The following ST8SIA4 variants were observed in gnomAD, a reference collection of about 807,000 sequenced individuals.
ST8SIA4 encodes CMP-N-acetylneuraminate-poly-alpha-2,8-sialyltransferase.
In ST8SIA4, 15 loss-of-function variants were observed where a neutral mutation model predicts 33.9. That is an observed-to-expected ratio of 0.44 (90% CI 0.30 to 0.68). The LOEUF (loss-of-function observed/expected upper bound fraction) is 0.68. Ranked by LOEUF, ST8SIA4 falls within the 30% of genes least tolerant of loss-of-function variation. The probability of loss-of-function intolerance (pLI) is 0.10; values close to 1 mark genes in which losing one functional copy is unlikely to be tolerated. For missense variants in ST8SIA4, 321 were observed against 428.0 expected (o/e 0.75, Z 2.21); for synonymous variants, 171 against 151.2 (o/e 1.13, Z -0.96).
chr5:100,849,507 C>A (rs1222651041), intron 4 of ST8SIA4: 20 of 971,554 alleles, frequency 2.1e-5, no homozygotes, highest in Non-Finnish European at 2.4e-5. Flanking sequence ...GCTGGCTGAG[C>A]GCGGTGGCTC....
At chr5:100,859,287 T>C (rs1281217782) in intron 3 of ST8SIA4, among the ~76,000 whole-genome samples, 1 of 152,106 alleles carries the variant, frequency 6.6e-6, no homozygotes, top group Non-Finnish European at 1.5e-5. Context: ...AGAATGTGTC[T>C]CAAGCATTTA....
At chr5:100,840,425 T>G (rs2112423398) in intron 4 of ST8SIA4, among the ~76,000 whole-genome samples, 1 of 151,888 alleles carries the variant, frequency 6.6e-6, no homozygotes, top group East Asian at 1.9e-4. Context: ...AAGGATACCA[T>G]GAAACTAGTT....
intron 4 of ST8SIA4, chr5:100,849,118 GA>G: frequency 1.0e-6 from 1 of 967,244 alleles, no homozygotes; most frequent in South Asian, 4.8e-5. Context: ...ACCTGTTTAG[GA>G]AGTTACAGAG....
intron 2 of ST8SIA4, among the ~76,000 whole-genome samples, chr5:100,887,740 T>C (rs1240521482): frequency 6.6e-6 from 1 of 152,022 alleles, no homozygotes; most frequent in Admixed American, 6.6e-5. Flanking sequence ...AATATGTTGT[T>C]CTTGAATAAT....
Position 100,903,019 on chromosome 5 carries a change from C to T in ST8SIA4, c.-64G>A, listed in dbSNP as rs28617677. The T allele has an allele frequency of 8.5e-7, 1 of 1,176,732 alleles. No individual in the cohort carries two copies. The highest frequency in any genetic ancestry group is 1.3e-6 in the Non-Finnish European group (1 of 791,210). The allele number at this position is 1,176,732 out of a possible 1,614,324, so 72.9% of individuals were successfully genotyped here. On this transcript the variant is annotated 5_prime_UTR_variant, in exon 1 of 5. Coordinates refer to ENST00000231461, the MANE Select transcript of ST8SIA4 (RefSeq NM_005668.6). Reference sequence around the variant, plus strand: ...GCACCTTCTCTTGATATAAAGGCTCCGTTTTGGGGAGATAGTCGCGGGGGT... The same window carrying T: ...GCACCTTCTCTTGATATAAAGGCTCTGTTTTGGGGAGATAGTCGCGGGGGT...
intron 3 of ST8SIA4, among the ~76,000 whole-genome samples, chr5:100,883,734 G>A (rs1044478603): frequency 7.2e-5 from 11 of 152,038 alleles, no homozygotes; most frequent in African/African-American, 2.7e-4. Flanking sequence ...AGATCTGATG[G>A]TTTTATCAGG....
intron 4 of ST8SIA4, among the ~76,000 whole-genome samples, chr5:100,840,442 G>C (rs1751448785): frequency 6.6e-6 from 1 of 151,654 alleles, no homozygotes; most frequent in Admixed American, 6.6e-5. Flanking sequence ...AGTTTTCAAT[G>C]TGTTGCTCTA....
chr5:100,848,442 TG>T (rs1751612885), intron 4 of ST8SIA4, among the ~76,000 whole-genome samples: 2 of 150,110 alleles, frequency 1.3e-5, no homozygotes, highest in Admixed American at 1.3e-4. Flanking sequence ...TATCTATATA[TG>T]TGCAGTGTGT....
chr5:100,834,749 GCTCTTT>G (rs1369142979), intron 4 of ST8SIA4, among the ~76,000 whole-genome samples: 2 of 151,990 alleles, frequency 1.3e-5, no homozygotes, highest in Admixed American at 1.3e-4. Flanking sequence ...CCATCTCCCA[GCTCTTT>G]CTCTTGACCC....
chr5:100,902,753 G>C, intron 1 of ST8SIA4, 90 bp downstream of exon 1: 1 of 1,103,812 alleles, frequency 9.1e-7, no homozygotes, highest in Admixed American at 1.9e-5. Context: ...AAACACACAT[G>C]CTATCCTAAC....
At chr5:100,832,894 C>T (rs561488065) in intron 4 of ST8SIA4, among the ~76,000 whole-genome samples, 9 of 152,220 alleles carry the variant, frequency 5.9e-5, no homozygotes, top group African/African-American at 1.9e-4. Context: ...TAAGAAAATC[C>T]AATCCACTCT....
At chr5:100,841,007 G>A (rs1389177411) in intron 4 of ST8SIA4, among the ~76,000 whole-genome samples, 1 of 151,622 alleles carries the variant, frequency 6.6e-6, no homozygotes, top group Non-Finnish European at 1.5e-5. Context: ...TATTTCCTGT[G>A]CACACCAAGT....
At chr5:100,862,412 A>G (rs1349431822) in intron 3 of ST8SIA4, among the ~76,000 whole-genome samples, 3 of 152,036 alleles carry the variant, frequency 2.0e-5, no homozygotes, top group Non-Finnish European at 2.9e-5. Flanking sequence ...TTCTTTATTT[A>G]TTTTGAGATG....
intron 1 of ST8SIA4, chr5:100,900,596 G>C: frequency 2.3e-6 from 1 of 433,642 alleles, no homozygotes. Flanking sequence ...CCAACTCCTT[G>C]CACAGTCTTG....
intron 1 of ST8SIA4, among the ~76,000 whole-genome samples, chr5:100,900,090 T>C (rs1752867590): frequency 6.6e-6 from 1 of 152,228 alleles, no homozygotes; most frequent in Admixed American, 6.5e-5. Flanking sequence ...CTCAGTATTG[T>C]GGCATACTGT....
rs1307810317 is a variant in ST8SIA4 at position 100,903,181 on chromosome 5, G to A, written c.-226C>T. On this transcript the variant is annotated 5_prime_UTR_variant, in exon 1 of 5. Transcript: ENST00000231461. ...GCCCTGTTTGCGCCAGCTCTGCCAG[G>A]GTCGCTCCGCGCCGCCTCCCTGGGG... is the stretch of plus-strand genomic sequence containing the variant. The A allele has an allele frequency of 3.6e-6, 2 of 552,002 alleles. No homozygotes were observed. Among genetic ancestry groups the A allele is most frequent in the Admixed American group, 3.3e-5 (1 of 30,550 alleles). The allele number at this position is 552,002 out of a possible 1,614,324, so 34.2% of individuals were successfully genotyped here. A position where few individuals can be genotyped will look rare whatever the true frequency, so the allele number is the denominator to read the frequency against.
At chr5:100,835,554 C>T (rs1421168774) in intron 4 of ST8SIA4, among the ~76,000 whole-genome samples, 8 of 152,048 alleles carry the variant, frequency 5.3e-5, no homozygotes, top group Non-Finnish European at 7.4e-5. Flanking sequence ...TCCACTAATT[C>T]GTATTCATTC....
intron 2 of ST8SIA4, among the ~76,000 whole-genome samples, 158 bp downstream of exon 2, chr5:100,895,496 C>T (rs1396296692): frequency 6.6e-6 from 1 of 152,012 alleles, no homozygotes; most frequent in Non-Finnish European, 1.5e-5. Flanking sequence ...TTTATGGTTT[C>T]ATATTCTTCA....
chr5:100,871,091 A>G (rs1752189061), intron 3 of ST8SIA4, among the ~76,000 whole-genome samples: 1 of 152,104 alleles, frequency 6.6e-6, no homozygotes, highest in Admixed American at 6.6e-5. Flanking sequence ...AGTTAAGGGA[A>G]TACATATCCT....
Sources: gnomAD v4.1 joint callset for allele counts (sites outside exome capture counted in the v4.1 genomes callset) on GRCh38, gnomAD v4.1.1 for gene constraint, MANE v1.5 for transcripts, NCBI Gene and HGNC (gene_info 2026-07-23, HGNC 2026-07-21) for gene names.